Variants in ASIC2 observed in about 807,000 individuals in gnomAD.
ASIC2 encodes acid sensing ion channel subunit 2, also known as acid-sensing ion channel 2.
A neutral mutation model predicts 57.3 loss-of-function variants in ASIC2; 25 were observed. That is an observed-to-expected ratio of 0.44 (90% CI 0.32 to 0.61). ASIC2 has a LOEUF of 0.61. Ranked by LOEUF, ASIC2 falls within the 20% of genes least tolerant of loss-of-function variation. The probability of loss-of-function intolerance (pLI) is 0.06; values close to 1 mark genes in which losing one functional copy is unlikely to be tolerated. For missense variants in ASIC2, 641 were observed against 738.1 expected, an observed-to-expected ratio of 0.87 and a Z score of 1.52; for synonymous variants, 319 against 307.5, an observed-to-expected ratio of 1.04 and a Z score of -0.39.
At chr17:34,099,750 GA>G in intron 1 of ASIC2, among the ~76,000 whole-genome samples, 1 of 6,110 alleles carries the variant, frequency 1.6e-4, no homozygotes, top group Non-Finnish European at 4.5e-4. Flanking sequence ...AAGAAAGAAA[GA>G]AAGAAAGAAA....
chr17:33,169,766 G>C (rs1264609796), intron 1 of ASIC2, among the ~76,000 whole-genome samples: 1 of 152,128 alleles, frequency 6.6e-6, no homozygotes, highest in Non-Finnish European at 1.5e-5. Context: ...TATAGCAGAG[G>C]GGGTTTCTGG....
At chr17:33,232,849 C>T (rs1908160094) in intron 1 of ASIC2, among the ~76,000 whole-genome samples, 4 of 152,198 alleles carry the variant, frequency 2.6e-5, no homozygotes, top group South Asian at 4.1e-4. Context: ...CACCTGGCTG[C>T]CCTCTTCAGT....
chr17:33,674,645 G>A (rs977990506), intron 1 of ASIC2, among the ~76,000 whole-genome samples: 1 of 152,222 alleles, frequency 6.6e-6, no homozygotes, highest in Admixed American at 6.5e-5. Flanking sequence ...GAAGTGACCT[G>A]TCCAAGTTCG....
chr17:33,098,379 G>A (rs968075396), intron 2 of ASIC2, among the ~76,000 whole-genome samples: 3 of 152,158 alleles, frequency 2.0e-5, no homozygotes, highest in African/African-American at 7.2e-5. Context: ...GCACTGTAGG[G>A]CAGCATCTCT....
At chr17:33,581,766 C>T (rs1904449269) in intron 1 of ASIC2, among the ~76,000 whole-genome samples, 1 of 152,188 alleles carries the variant, frequency 6.6e-6, no homozygotes, top group Non-Finnish European at 1.5e-5. Context: ...GGGATGGTCC[C>T]TGCTTGGTCC....
intron 1 of ASIC2, among the ~76,000 whole-genome samples, chr17:33,848,219 G>C (rs1913667266): frequency 6.6e-6 from 1 of 152,066 alleles, no homozygotes; most frequent in African/African-American, 2.4e-5. Context: ...CATTCTACTG[G>C]AGCTAACATG....
intron 1 of ASIC2, among the ~76,000 whole-genome samples, chr17:33,856,313 T>A (rs1342213879): frequency 6.6e-6 from 1 of 152,204 alleles, no homozygotes; most frequent in East Asian, 1.9e-4. Flanking sequence ...TTTAGAACAG[T>A]GACTGACATA....
intron 1 of ASIC2, among the ~76,000 whole-genome samples, chr17:33,516,506 C>T (rs184982643): frequency 1.3e-5 from 2 of 152,208 alleles, no homozygotes; most frequent in Non-Finnish European, 2.9e-5. Context: ...ACATTAGATT[C>T]TCCTAGAAAG....
At chr17:33,507,912 AAT>A (rs972018454) in intron 1 of ASIC2, among the ~76,000 whole-genome samples, 7 of 152,170 alleles carry the variant, frequency 4.6e-5, no homozygotes, top group African/African-American at 1.4e-4. Context: ...TTCAAAACAA[AAT>A]ATATATATGA....
At chr17:34,076,480 GTATA>G (rs1162090730) in intron 1 of ASIC2, among the ~76,000 whole-genome samples, 1 of 151,848 alleles carries the variant, frequency 6.6e-6, no homozygotes, top group African/African-American at 2.4e-5. Context: ...ACCTTTTATT[GTATA>G]TATAGTTTAT....
At chr17:33,993,859 C>T (rs772276906) in intron 1 of ASIC2, among the ~76,000 whole-genome samples, 5 of 152,120 alleles carry the variant, frequency 3.3e-5, no homozygotes, top group East Asian at 1.9e-4. Context: ...ATGCTGTGGA[C>T]GGGCTTTTTC....
chr17:33,503,412 C>G (rs1003289014), intron 1 of ASIC2, among the ~76,000 whole-genome samples: 1 of 152,126 alleles, frequency 6.6e-6, no homozygotes, highest in Admixed American at 6.5e-5. Flanking sequence ...CAGGTAAGTC[C>G]TCTCTTATTC....
chr17:33,619,420 G>T (rs563141085), intron 1 of ASIC2, among the ~76,000 whole-genome samples: 1,814 of 152,186 alleles, frequency 0.012, 20 homozygotes, highest in Non-Finnish European at 0.017. Context: ...GGGGAAAAAA[G>T]GTGCAAGTGC....
intron 1 of ASIC2, chr17:33,976,788 G>A (rs913743414): frequency 6.6e-6 from 1 of 152,126 alleles, no homozygotes; most frequent in African/African-American, 2.4e-5. Context: ...ACTTGTTCCT[G>A]CTGTGATACC....
chr17:33,604,609 G>T lies in ASIC2; in HGVS notation c.556-492542C>A, dbSNP rs1158393680. On this transcript the variant is annotated intron_variant, in intron 1 of 9. Transcript: ENST00000359872. ...ACTGACAGGGCATTCCACCTGAGGGGTGGAGTGAATTGGGTCCTCAGAGAA... is the reference window on the plus strand; with the variant it reads ...ACTGACAGGGCATTCCACCTGAGGGTTGGAGTGAATTGGGTCCTCAGAGAA... Among the ~76,000 whole-genome samples the T allele has an allele frequency of 4.6e-5, 7 of 152,164 alleles. No homozygotes were observed. In the East Asian group the frequency reaches 1.4e-3, roughly 29 times the overall value.
chr17:33,765,231 G>A (rs967620438), intron 1 of ASIC2, among the ~76,000 whole-genome samples: 1 of 151,948 alleles, frequency 6.6e-6, no homozygotes, highest in Non-Finnish European at 1.5e-5. Flanking sequence ...TCAACCTCCC[G>A]AGTAGCTGGG....
At chr17:33,129,601 G>A (rs534348157) in intron 1 of ASIC2, among the ~76,000 whole-genome samples, 1 of 152,232 alleles carries the variant, frequency 6.6e-6, no homozygotes, top group Non-Finnish European at 1.5e-5. Flanking sequence ...TTACAAAGGT[G>A]TATCCCTTTG....
At chr17:34,129,351 C>G (rs1359511492) in intron 1 of ASIC2, among the ~76,000 whole-genome samples, 1 of 152,162 alleles carries the variant, frequency 6.6e-6, no homozygotes, top group Non-Finnish European at 1.5e-5. Context: ...TACAGCATAA[C>G]AAGCCTTGGA....
chr17:33,957,029 G>A (rs1391421008), intron 1 of ASIC2, among the ~76,000 whole-genome samples: 2 of 152,202 alleles, frequency 1.3e-5, no homozygotes, highest in Non-Finnish European at 1.5e-5. Context: ...GAATAATGGG[G>A]ATTTATTGTC....
Sources: gnomAD v4.1 joint callset for allele counts (sites outside exome capture counted in the v4.1 genomes callset) on GRCh38, gnomAD v4.1.1 for gene constraint, MANE v1.5 for transcripts, NCBI Gene and HGNC (gene_info 2026-07-23, HGNC 2026-07-21) for gene names.